RPRD1B: variants seen among roughly 807,000 people sequenced by gnomAD.
The protein encoded by RPRD1B is regulation of nuclear pre-mRNA domain-containing protein 1B.
Under a neutral mutation model 41.5 loss-of-function variants are expected in RPRD1B, and 11 were observed. That is an observed-to-expected ratio of 0.27 (90% CI 0.17 to 0.44). RPRD1B has a LOEUF of 0.44. Ranked by LOEUF, RPRD1B falls within the 20% of genes least tolerant of loss-of-function variation. RPRD1B has a pLI of 1.00. For missense variants in RPRD1B, 248 were observed against 389.9 expected (o/e 0.64, Z 3.06); for synonymous variants, 158 against 155.6 (o/e 1.02, Z -0.12).
intron 5 of RPRD1B, among the ~76,000 whole-genome samples, chr20:38,065,024 A>G (rs2074340209): frequency 6.6e-6 from 1 of 152,138 alleles, no homozygotes; most frequent in African/African-American, 2.4e-5. Context: ...GATAGAGCAC[A>G]CATAGTAAGA....
chr20:38,091,057 G>A lies in RPRD1B; in HGVS notation c.*1182G>A. 1 of 985,742 alleles carries A rather than the reference G, an allele frequency of 1.0e-6. No individual in the cohort carries two copies. The highest frequency in any genetic ancestry group is 1.1e-4 in the East Asian group (1 of 8,826). The allele number at this position is 985,742 out of a possible 1,614,324, so 61.1% of individuals were successfully genotyped here. A position where few individuals can be genotyped will look rare whatever the true frequency, so the allele number is the denominator to read the frequency against. ...TCAGCTGACATTATGACTATATAAT[G>A]TAGTTAGAGACAATTTTTATCTTGC... On this transcript the variant is annotated 3_prime_UTR_variant, in exon 7 of 7. Transcript: ENST00000373433.
Position 38,040,419 on chromosome 20 carries a change from C to A in RPRD1B, c.152-16C>A, listed in dbSNP as rs777034568. The stretch of plus-strand genomic sequence containing the variant: ...TCTTTGGTGTAAGTTAAATTCTTTT[C>A]TTTTCTTTTTTTCAGCCAAATCAAA... On this transcript the variant is annotated splice_polypyrimidine_tract_variant and intron_variant, in intron 1 of 6. Coordinates refer to ENST00000373433, the MANE Select transcript of RPRD1B (RefSeq NM_021215.4). The A allele has an allele frequency of 3.8e-6, 6 of 1,570,640 alleles. No homozygotes were observed. The East Asian group carries it at 6.8e-5, about 18-fold the overall frequency.
Position 38,075,518 on chromosome 20 carries a change from G to A in RPRD1B, c.831+9262G>A, listed in dbSNP as rs539207145. On this transcript the variant is annotated intron_variant, in intron 6 of 6. Transcript: ENST00000373433. ...TTGAGCTGCCTGTTTGACCTAGTGG[G>A]TGCAAGTTATTTTGAGCAAGGTTCT... 2.0e-5 allele frequency among the ~76,000 whole-genome samples: 3 copies of A among 152,296 alleles called. No individual in the cohort carries two copies. In the South Asian group the frequency reaches 6.2e-4, roughly 32 times the overall value.
chr20:38,088,294 T>C (rs988650158), intron 6 of RPRD1B, among the ~76,000 whole-genome samples: 15 of 152,248 alleles, frequency 9.9e-5, no homozygotes, highest in African/African-American at 3.6e-4. Flanking sequence ...GCTTCTACTT[T>C]CTGCCTCTTC....
chr20:38,080,633 C>T (rs533328248), intron 6 of RPRD1B, among the ~76,000 whole-genome samples: 1 of 152,330 alleles, frequency 6.6e-6, no homozygotes, highest in South Asian at 2.1e-4. Context: ...TTGAGCAGTT[C>T]TCCTGCCTCA....
Position 38,052,761 on chromosome 20 carries a change from T to G in RPRD1B, c.415+4280T>G, listed in dbSNP as rs1027845613. 1.3e-3 allele frequency among the ~76,000 whole-genome samples: 197 copies of G among 148,660 alleles called. 3 individuals carry two copies. The highest frequency in any genetic ancestry group is 4.4e-3 in the African/African-American group (177 of 40,606). ...TCGGACCAAACGCGGTGTTTTTTTTTTTTTTTTTTTTTTTTTTTTAAATCA... is the reference window on the plus strand; with the variant it reads ...TCGGACCAAACGCGGTGTTTTTTTTGTTTTTTTTTTTTTTTTTTTAAATCA... On this transcript the variant is annotated intron_variant, in intron 3 of 6. Transcript: ENST00000373433.
intron 6 of RPRD1B, chr20:38,070,133 G>A (rs1488744430): frequency 1.9e-5 from 17 of 904,948 alleles, no homozygotes; most frequent in Non-Finnish European, 2.1e-5. Flanking sequence ...TTTCTCCTTT[G>A]TACTACTTTT....
chr20:38,088,830 G>A (rs1047931987), intron 6 of RPRD1B, among the ~76,000 whole-genome samples: 2 of 152,206 alleles, frequency 1.3e-5, no homozygotes, highest in Admixed American at 6.5e-5. Flanking sequence ...GAGATGCGGA[G>A]TCGTCTCCTG....
At chr20:38,046,655 A>G (rs2074124376) in intron 2 of RPRD1B, among the ~76,000 whole-genome samples, 1 of 152,216 alleles carries the variant, frequency 6.6e-6, no homozygotes, top group Non-Finnish European at 1.5e-5. Flanking sequence ...GAGGAGAGGA[A>G]TTGAGCTGTG....
Position 38,090,354 on chromosome 20 carries a change from A to G in RPRD1B, c.*479A>G. ...GGCTTTCCCAGCTGCATCTGCCCCA[A>G]AAGGTTGTAGGCACAGCTGTCGTAG... is the stretch of plus-strand genomic sequence containing the variant. On this transcript the variant is annotated 3_prime_UTR_variant, in exon 7 of 7. Coordinates refer to ENST00000373433, the MANE Select transcript of RPRD1B (RefSeq NM_021215.4). 1 of 986,564 alleles carries G rather than the reference A, an allele frequency of 1.0e-6. No individual in the cohort carries two copies. The highest frequency in any genetic ancestry group is 1.2e-6 in the Non-Finnish European group (1 of 830,466). 61.1% of individuals were successfully genotyped at this position (986,564 alleles called of 1,614,324 possible).
rs114245509 is a variant in RPRD1B, at chr20:38,042,028, G to A, written c.281+1464G>A. On this transcript the variant is annotated intron_variant, in intron 2 of 6. Transcript: ENST00000373433. ...TATGGTCTGCCCTGACACAGTAGGC[G>A]TTCAGTAAATATTTGTTAAATGAGT... Among the ~76,000 whole-genome samples the A allele has an allele frequency of 6.7e-3, 1,016 of 152,226 alleles. 13 individuals carry two copies. The highest frequency in any genetic ancestry group is 0.023 in the African/African-American group (949 of 41,530).
At chr20:38,065,983 T>C (rs888617009) in intron 5 of RPRD1B, 98 bp from the exon 6 acceptor site, 4 of 1,186,342 alleles carry the variant, frequency 3.4e-6, no homozygotes, top group Non-Finnish European at 3.6e-6. Flanking sequence ...AGACTCTGTA[T>C]ATTGGGAGAG....
At chr20:38,035,573 G>A (rs1382789600) in intron 1 of RPRD1B, among the ~76,000 whole-genome samples, 1 of 152,170 alleles carries the variant, frequency 6.6e-6, no homozygotes, top group Non-Finnish European at 1.5e-5. Context: ...TACTGAGATA[G>A]GGATCCCCTC....
chr20:38,048,603 A>G, intron 3 of RPRD1B, 122 bp downstream of exon 3: 4 of 1,451,544 alleles, frequency 2.8e-6, no homozygotes, highest in Non-Finnish European at 3.7e-6. Flanking sequence ...AGAGAGACAG[A>G]TGATCATGAA....
chr20:38,060,481 T>C (rs929024854), intron 5 of RPRD1B, among the ~76,000 whole-genome samples: 21 of 152,232 alleles, frequency 1.4e-4, no homozygotes, highest in African/African-American at 4.6e-4. Flanking sequence ...AGCAGGGCAG[T>C]GGGAGCGGAA....
Position 38,092,185 on chromosome 20 carries a change from A to C in RPRD1B, c.*2310A>C. Reference sequence around the variant, plus strand: ...CTTTCCTTTAGGTCATATTCCTCAGAAAGTCTTCAATCTTCCCTTGTTTTT... The same window carrying C: ...CTTTCCTTTAGGTCATATTCCTCAGCAAGTCTTCAATCTTCCCTTGTTTTT... On this transcript the variant is annotated 3_prime_UTR_variant, in exon 7 of 7. Coordinates refer to ENST00000373433, the MANE Select transcript of RPRD1B (RefSeq NM_021215.4). 1 of 985,766 alleles carries C rather than the reference A, an allele frequency of 1.0e-6. No individual in the cohort carries two copies. The highest frequency in any genetic ancestry group is 1.2e-6 in the Non-Finnish European group (1 of 829,890). The allele number at this position is 985,766 out of a possible 1,614,324, so 61.1% of individuals were successfully genotyped here.
chr20:38,057,715 A>T, intron 4 of RPRD1B, 71 bp downstream of exon 4: 2 of 1,077,932 alleles, frequency 1.9e-6, no homozygotes, highest in Non-Finnish European at 2.8e-6. Flanking sequence ...TATGGCCACA[A>T]GGTGGCGCCA....
At chr20:38,049,788 C>T (rs1471498356) in intron 3 of RPRD1B, 8 of 471,182 alleles carry the variant, frequency 1.7e-5, no homozygotes, top group South Asian at 9.3e-5. Flanking sequence ...TGCCTGCATA[C>T]ATGTTTCCTG....
chr20:38,091,878 A>G lies in RPRD1B; in HGVS notation c.*2003A>G. The G allele has an allele frequency of 1.0e-6, 1 of 985,800 alleles. No individual in the cohort carries two copies. Among genetic ancestry groups the G allele is most frequent in the Non-Finnish European group, 1.2e-6 (1 of 829,826 alleles). The allele number at this position is 985,800 out of a possible 1,614,324, so 61.1% of individuals were successfully genotyped here. A position where few individuals can be genotyped will look rare whatever the true frequency, so the allele number is the denominator to read the frequency against. On this transcript the variant is annotated 3_prime_UTR_variant, in exon 7 of 7. Coordinates refer to ENST00000373433, the MANE Select transcript of RPRD1B (RefSeq NM_021215.4). Reference sequence around the variant, plus strand: ...GTGCATAATTATTACAGCAAAAGTTAAGAAATGAAACTGTAGCAATTATGT... The same window carrying G: ...GTGCATAATTATTACAGCAAAAGTTGAGAAATGAAACTGTAGCAATTATGT...
Sources: allele counts gnomAD v4.1 joint callset (sites outside exome capture counted in the v4.1 genomes callset), GRCh38; gene constraint gnomAD v4.1.1; transcripts MANE v1.5; gene names NCBI Gene and HGNC (gene_info 2026-07-23, HGNC 2026-07-21).